The following ZMYND8 variants were observed in gnomAD, a reference collection of about 807,000 sequenced individuals.
The protein encoded by ZMYND8 is zinc finger MYND-type containing 8.
In ZMYND8, 37 loss-of-function variants were observed where a neutral mutation model predicts 140.8. The observed-to-expected ratio is 0.26, with a 90% confidence interval of 0.20 to 0.35. The LOEUF (loss-of-function observed/expected upper bound fraction) is 0.35. Among genes scored for constraint, ZMYND8 ranks in the 10% least tolerant of loss-of-function variants. The pLI is 1.00. For synonymous variants in ZMYND8, 592 were observed against 597.1 expected (o/e 0.99, Z 0.12); for missense variants, 1,068 against 1,570.0 (o/e 0.68, Z 5.40).
At chr20:47,232,659 A>G (rs997677038) in intron 16 of ZMYND8, among the ~76,000 whole-genome samples, 6 of 152,206 alleles carry the variant, frequency 3.9e-5, no homozygotes, top group African/African-American at 1.4e-4. Flanking sequence ...AGTAGGCCTC[A>G]GCTTTCCCAT....
chr20:47,245,998 A>C lies in ZMYND8; in HGVS notation c.2284+10T>G. ...AATTAAGAAAACTGGAAACAGATAC[A>C]ATCACTTACCATCCTGTTTGGGAGA... On this transcript the variant is annotated intron_variant, in intron 14 of 22. Transcript: ENST00000471951. 6.4e-7 allele frequency: 1 copy of C among 1,567,260 alleles called. No homozygotes were observed. Among genetic ancestry groups the C allele is most frequent in the Non-Finnish European group, 8.6e-7 (1 of 1,161,466 alleles).
chr20:47,339,433 T>G (rs1489442827), intron 2 of ZMYND8, among the ~76,000 whole-genome samples: 1 of 152,178 alleles, frequency 6.6e-6, no homozygotes, highest in Non-Finnish European at 1.5e-5. Context: ...TGTCTCTAAG[T>G]TGATGCAAAT....
At chr20:47,238,651 A>G in intron 15 of ZMYND8, 107 bp downstream of exon 15, 1 of 1,525,204 alleles carries the variant, frequency 6.6e-7, no homozygotes, top group Non-Finnish European at 8.8e-7. Flanking sequence ...AATGGCCCGG[A>G]AACAAACGAG....
chr20:47,262,284 T>C lies in ZMYND8; in HGVS notation c.1621+4A>G. 6.2e-7 allele frequency: 1 copy of C among 1,614,128 alleles called. No homozygotes were observed. Among genetic ancestry groups the C allele is most frequent in the Non-Finnish European group, 8.5e-7 (1 of 1,180,010 alleles). The stretch of plus-strand genomic sequence containing the variant: ...GAAAGATACTGGCAAAAATTCTGAC[T>C]GACCCAGGTTAAGATTCAGGATGCT... On this transcript the variant is annotated splice_donor_region_variant and intron_variant, in intron 12 of 22. Transcript: ENST00000471951.
chr20:47,304,757 C>T (rs1390166452), intron 3 of ZMYND8, among the ~76,000 whole-genome samples: 3 of 152,182 alleles, frequency 2.0e-5, no homozygotes, highest in South Asian at 2.1e-4. Flanking sequence ...CATTCAACCT[C>T]GCAGTGGGGG....
intron 4 of ZMYND8, 127 bp from the exon 5 acceptor site, chr20:47,294,906 T>C: frequency 1.2e-6 from 1 of 816,290 alleles, no homozygotes; most frequent in Non-Finnish European, 2.0e-6. Context: ...GACTTGTTGT[T>C]TCACTTAGCA....
chr20:47,224,115 T>C (rs914472413), intron 19 of ZMYND8, among the ~76,000 whole-genome samples: 6 of 152,206 alleles, frequency 3.9e-5, no homozygotes, highest in Non-Finnish European at 5.9e-5. Context: ...GATCAAAGGT[T>C]CAAAATGCCC....
chr20:47,280,159 A>G (rs2076520155), intron 10 of ZMYND8, among the ~76,000 whole-genome samples: 1 of 149,378 alleles, frequency 6.7e-6, no homozygotes, highest in Non-Finnish European at 1.5e-5. Flanking sequence ...GTGGTCAGAG[A>G]CTCCCTGCCC....
At chr20:47,288,127 C>A (rs2077037526) in intron 7 of ZMYND8, among the ~76,000 whole-genome samples, 1 of 152,134 alleles carries the variant, frequency 6.6e-6, no homozygotes, top group Admixed American at 6.6e-5. Flanking sequence ...CACAAACACA[C>A]AATATACCTA....
intron 2 of ZMYND8, among the ~76,000 whole-genome samples, chr20:47,347,238 A>G (rs957865700): frequency 6.6e-6 from 1 of 152,232 alleles, no homozygotes; most frequent in Non-Finnish European, 1.5e-5. Context: ...CATTTTGGGA[A>G]GCCTCATAAA....
At chr20:47,217,363 T>C (rs1220287021) in intron 21 of ZMYND8, among the ~76,000 whole-genome samples, 4 of 152,134 alleles carry the variant, frequency 2.6e-5, no homozygotes, top group Non-Finnish European at 4.4e-5. Context: ...AAAGCTCAAT[T>C]GGTTGCATAT....
chr20:47,228,356 T>C (rs2037997312), intron 17 of ZMYND8, among the ~76,000 whole-genome samples: 1 of 152,160 alleles, frequency 6.6e-6, no homozygotes, highest in Non-Finnish European at 1.5e-5. Flanking sequence ...TCACGTAGTG[T>C]GAACAATCAC....
chr20:47,286,871 T>C (rs2076957153), intron 8 of ZMYND8, among the ~76,000 whole-genome samples: 1 of 152,166 alleles, frequency 6.6e-6, no homozygotes, highest in Non-Finnish European at 1.5e-5. Context: ...AATCCTCTTC[T>C]GCAAGAGGAC....
In ZMYND8 at chr20:47,306,494, C is replaced by A. The variant is rs576646003; in HGVS notation, c.234+3562G>T. ...ATATGATAAATGGGTGGAATAGGGA[C>A]CAAACTTAAAACTCATCCCATATTT... On this transcript the variant is annotated intron_variant, in intron 3 of 22. Transcript: ENST00000471951. 2.0e-4 allele frequency among the ~76,000 whole-genome samples: 31 copies of A among 152,054 alleles called. No individual in the cohort carries two copies. The South Asian group carries it at 5.8e-3, about 29-fold the overall frequency.
intron 12 of ZMYND8, among the ~76,000 whole-genome samples, chr20:47,258,958 C>G (rs1377446437): frequency 6.6e-6 from 1 of 152,074 alleles, no homozygotes; most frequent in Non-Finnish European, 1.5e-5. Flanking sequence ...ACCGGAAGAG[C>G]TGCCAGGGGA....
intron 10 of ZMYND8, among the ~76,000 whole-genome samples, chr20:47,278,935 T>C (rs2076425264): frequency 6.6e-6 from 1 of 152,010 alleles, no homozygotes; most frequent in Non-Finnish European, 1.5e-5. Flanking sequence ...CTTCCTGAGC[T>C]AGCCTCAGCT....
intron 7 of ZMYND8, 28 bp downstream of exon 7, chr20:47,290,159 T>C: frequency 6.2e-7 from 1 of 1,603,186 alleles, no homozygotes; most frequent in Non-Finnish European, 8.5e-7. Flanking sequence ...CAGCATACTC[T>C]TTCTTAGGAG....
chr20:47,309,524 G>T (rs1452738946), intron 3 of ZMYND8, among the ~76,000 whole-genome samples: 1 of 151,996 alleles, frequency 6.6e-6, no homozygotes, highest in African/African-American at 2.4e-5. Flanking sequence ...GGCCAGGATG[G>T]TCTCAATCTC....
chr20:47,282,343 G>C (rs964421156), intron 9 of ZMYND8, 126 bp from the exon 10 acceptor site: 1 of 743,532 alleles, frequency 1.3e-6, no homozygotes. Context: ...AGAGTTTCAA[G>C]CAGGGTCGGC....
Sources: allele counts gnomAD v4.1 joint callset (sites outside exome capture counted in the v4.1 genomes callset), GRCh38; gene constraint gnomAD v4.1.1; transcripts MANE v1.5; gene names NCBI Gene and HGNC (gene_info 2026-07-23, HGNC 2026-07-21).